The following MYO5A variants were observed in gnomAD, a reference collection of about 807,000 sequenced individuals.
MYO5A encodes unconventional myosin-Va.
Under a neutral mutation model 249.7 loss-of-function variants are expected in MYO5A, and 98 were observed. The observed-to-expected ratio is 0.39, with a 90% confidence interval of 0.33 to 0.46. The LOEUF is 0.46. Among genes scored for constraint, MYO5A ranks in the 20% least tolerant of loss-of-function variants. MYO5A has a pLI of 0.98. For synonymous variants in MYO5A, 778 were observed against 810.6 expected, an observed-to-expected ratio of 0.96 and a Z score of 0.68; for missense variants, 1,696 against 2,308.8, an observed-to-expected ratio of 0.73 and a Z score of 5.44.
intron 1 of MYO5A, among the ~76,000 whole-genome samples, chr15:52,477,790 C>T (rs1009920633): frequency 6.6e-6 from 1 of 152,124 alleles, no homozygotes; most frequent in African/African-American, 2.4e-5. Flanking sequence ...CTCAGAGGTG[C>T]ACCCGGCCGT....
chr15:52,340,304 C>T lies in MYO5A; in HGVS notation c.4131G>A (p.Glu1377=). 6.2e-7 allele frequency: 1 copy of T among 1,614,010 alleles called. No individual in the cohort carries two copies. Among genetic ancestry groups the T allele is most frequent in the Non-Finnish European group, 8.5e-7 (1 of 1,180,022 alleles). Residue 1377 remains glutamate (E), a synonymous_variant, in exon 32 of 42, where the codon GAG becomes GAA. Transcript: ENST00000399233. ...LRGEIQSLKE[E]NNRQQQLLAQ... is the part of the protein sequence containing the mutation. ...CCAGCAGCTGCTGCTGTCGGTTGTT[C>T]TCCTCCTTCAGGCTCTGGATCTCCC...
intron 1 of MYO5A, among the ~76,000 whole-genome samples, chr15:52,501,738 A>T (rs186683245): frequency 7.2e-5 from 11 of 152,262 alleles, no homozygotes; most frequent in Admixed American, 5.9e-4. Context: ...TACATAATTG[A>T]ATAAAGTATT....
In MYO5A at chr15:52,379,706, G is replaced by A. The variant is rs753092034; in HGVS notation, c.2127C>T (p.Arg709=). The A allele has an allele frequency of 6.2e-7, 1 of 1,614,172 alleles. No homozygotes were observed. The highest frequency in any genetic ancestry group is 1.7e-5 in the Admixed American group (1 of 60,016). ...CTTTCTGCTTCATTAGGACACGGTA[G>A]CGGCTGAAAAATTCTTGGTAAGTCC... ...SRWTYQEFFS[R]YRVLMKQKDV... is the part of the protein sequence containing the mutation. Residue 709 remains arginine (R), a synonymous_variant, in exon 18 of 42, where the codon CGC becomes CGT. Transcript: ENST00000399233.
rs1724618 is a variant in MYO5A at position 52,404,232 on chromosome 15, A to T, written c.1053+1055T>A. On this transcript the variant is annotated intron_variant, in intron 9 of 41. Coordinates refer to ENST00000399233, the MANE Select transcript of MYO5A (RefSeq NM_001382347.1). The stretch of plus-strand genomic sequence containing the variant: ...GTGAGCCGAGATTGCATGCCTTTGC[A>T]CTCCAGCCTGGGCGACAAGAGTGAA... Among the ~76,000 whole-genome samples the T allele has an allele frequency of 2.7e-5, 4 of 147,474 alleles. No homozygotes were observed. The East Asian group carries it at 8.0e-4, about 30-fold the overall frequency.
chr15:52,319,083 G>A lies in MYO5A; in HGVS notation c.5211C>T (p.Ser1737=), dbSNP rs750808940. 1 of 1,614,216 alleles carries A rather than the reference G, an allele frequency of 6.2e-7. No individual in the cohort carries two copies. Among genetic ancestry groups the A allele is most frequent in the Non-Finnish European group, 8.5e-7 (1 of 1,180,046 alleles). The change falls in exon 39 of 42, where the codon TCC becomes TCT. Residue 1737 remains serine (S), a synonymous_variant. Transcript: ENST00000399233. ...ACCTGATCTGCATGCCTTTACTCCA[G>A]GAGCACATGTCCTTCCGCAGGAGAA... ...NNLLLRKDMC[S]WSKGMQIRYN...
intron 25 of MYO5A, among the ~76,000 whole-genome samples, chr15:52,358,451 C>G (rs2040357323): frequency 1.3e-5 from 2 of 152,202 alleles, no homozygotes; most frequent in African/African-American, 4.8e-5. Context: ...ACCAATGATT[C>G]TTCTCAACAT....
intron 1 of MYO5A, among the ~76,000 whole-genome samples, chr15:52,464,227 T>C (rs1388052841): frequency 2.6e-5 from 4 of 152,328 alleles, no homozygotes; most frequent in East Asian, 3.9e-4. Flanking sequence ...TGAATTCCTT[T>C]ACTATACTCT....
intron 17 of MYO5A, 41 bp from the exon 18 acceptor site, chr15:52,379,774 G>T (rs375815953): frequency 2.2e-5 from 36 of 1,613,842 alleles, no homozygotes; most frequent in Non-Finnish European, 2.9e-5. Context: ...AAAGAACTAG[G>T]ATCTTCTCCC....
Position 52,370,372 on chromosome 15 carries a change from C to T in MYO5A, c.2863G>A (p.Gly955Arg), listed in dbSNP as rs765277637. ...CLVEKLTNLE[G>R]IYNSETEKLR... ...TTCTCAGTCTCAGAGTTGTATATTC[C>T]TTCCAGATTGGTTAGTTTCTCCACA... The change falls in exon 22 of 42, where the codon GGA (glycine) becomes AGA (arginine). Residue 955 changes from glycine to arginine, a missense_variant. Physicochemically the swap from Gly to Arg is moderately radical, Grantham distance 125. This residue lies in a region of MYO5A where 412 missense variants were observed against 453.3 expected (regional missense o/e 0.91). Transcript: ENST00000399233. 6.2e-7 allele frequency: 1 copy of T among 1,613,924 alleles called. No individual in the cohort carries two copies. Among genetic ancestry groups the T allele is most frequent in the Admixed American group, 1.7e-5 (1 of 60,006 alleles).
intron 20 of MYO5A, among the ~76,000 whole-genome samples, chr15:52,374,200 T>G (rs2041281120): frequency 6.6e-6 from 1 of 152,210 alleles, no homozygotes; most frequent in Admixed American, 6.5e-5. Flanking sequence ...TTAAGACTAC[T>G]CTGGTGACCC....
intron 1 of MYO5A, among the ~76,000 whole-genome samples, chr15:52,434,822 G>A (rs2075625958): frequency 6.6e-6 from 1 of 151,276 alleles, no homozygotes; most frequent in Non-Finnish European, 1.5e-5. Flanking sequence ...CCTAGATTCA[G>A]CCAGCAAGGG....
chr15:52,373,768 T>A (rs2041254610), intron 20 of MYO5A, among the ~76,000 whole-genome samples: 1 of 152,096 alleles, frequency 6.6e-6, no homozygotes, highest in Non-Finnish European at 1.5e-5. Context: ...TTGGTGTATC[T>A]GAAAAGCAAC....
intron 22 of MYO5A, among the ~76,000 whole-genome samples, chr15:52,368,514 G>T (rs186127849): frequency 3.9e-5 from 6 of 152,212 alleles, no homozygotes; most frequent in Non-Finnish European, 5.9e-5. Flanking sequence ...TAACTTCTGG[G>T]CTCCTTGATC....
chr15:52,449,591 C>A (rs1459863616), intron 1 of MYO5A, among the ~76,000 whole-genome samples: 1 of 152,224 alleles, frequency 6.6e-6, no homozygotes, highest in African/African-American at 2.4e-5. Context: ...TCCTGCCTCT[C>A]TAATCATTCC....
chr15:52,364,706 A>C lies in MYO5A; in HGVS notation c.3161-4T>G, dbSNP rs774977021. Reference sequence around the variant, plus strand: ...ACTAACTTCTTCTCCATAGTTTCTGAAATTAAAAAAAGGATATGCATACTA... The same window carrying C: ...ACTAACTTCTTCTCCATAGTTTCTGCAATTAAAAAAAGGATATGCATACTA... On this transcript the variant is annotated splice_polypyrimidine_tract_variant and splice_region_variant and intron_variant, in intron 23 of 41. Coordinates refer to ENST00000399233, the MANE Select transcript of MYO5A (RefSeq NM_001382347.1). 1.2e-6 allele frequency: 2 copies of C among 1,613,416 alleles called. No homozygotes were observed. The highest frequency in any genetic ancestry group is 1.7e-6 in the Non-Finnish European group (2 of 1,179,766).
intron 1 of MYO5A, among the ~76,000 whole-genome samples, chr15:52,511,943 C>T (rs1367616611): frequency 6.6e-6 from 1 of 152,088 alleles, no homozygotes; most frequent in African/African-American, 2.4e-5. Flanking sequence ...GTGGGCAGAT[C>T]ATGAGGTCAG....
intron 12 of MYO5A, among the ~76,000 whole-genome samples, chr15:52,390,489 T>C (rs1314325625): frequency 6.6e-6 from 1 of 151,886 alleles, no homozygotes; most frequent in Non-Finnish European, 1.5e-5. Flanking sequence ...TTCAGAAAGA[T>C]ATAAAATGGA....
At chr15:52,485,846 C>T (rs2076808814) in intron 1 of MYO5A, among the ~76,000 whole-genome samples, 1 of 152,054 alleles carries the variant, frequency 6.6e-6, no homozygotes, top group Non-Finnish European at 1.5e-5. Context: ...AACACACAAA[C>T]GTATTTGTCA....
chr15:52,460,989 T>C (rs1567147969), intron 1 of MYO5A, among the ~76,000 whole-genome samples: 2 of 152,232 alleles, frequency 1.3e-5, no homozygotes, highest in African/African-American at 2.4e-5. Flanking sequence ...AGTCTTGCTG[T>C]TGCCCAGGCT....
Sources: allele counts gnomAD v4.1 joint callset (sites outside exome capture counted in the v4.1 genomes callset), GRCh38; gene constraint gnomAD v4.1.1; regional missense constraint gnomAD v4.1.1; transcripts MANE v1.5; gene names NCBI Gene and HGNC (gene_info 2026-07-23, HGNC 2026-07-21).